FMNL2: variants seen among roughly 807,000 people sequenced by gnomAD.
FMNL2 encodes formin-like protein 2.
In FMNL2, 51 loss-of-function variants were observed where a neutral mutation model predicts 130.2. The ratio of observed to expected loss-of-function variants is 0.39; its 90% CI spans 0.31 to 0.49. The LOEUF (loss-of-function observed/expected upper bound fraction) is 0.49, where lower values mean the gene tolerates loss of function less well. Ranked by LOEUF, FMNL2 falls within the 20% of genes least tolerant of loss-of-function variation. The pLI, the probability that FMNL2 is intolerant of heterozygous loss-of-function variation, is 0.85. For synonymous variants in FMNL2, 465 were observed against 467.1 expected (o/e 1.00, Z 0.06); for missense variants, 977 against 1,316.2 (o/e 0.74, Z 3.99).
intron 7 of FMNL2, among the ~76,000 whole-genome samples, chr2:152,578,271 A>T (rs188200847): frequency 7.5e-4 from 114 of 152,282 alleles, no homozygotes; most frequent in African/African-American, 2.7e-3. Flanking sequence ...TGTGAGGGGT[A>T]CTGATCCCTG....
chr2:152,383,846 A>G (rs1684636030), intron 1 of FMNL2, among the ~76,000 whole-genome samples: 1 of 152,188 alleles, frequency 6.6e-6, no homozygotes, highest in African/African-American at 2.4e-5. Flanking sequence ...CAGTTTGATG[A>G]TTAGCATCTG....
intron 9 of FMNL2, among the ~76,000 whole-genome samples, chr2:152,590,756 A>G (rs1351182814): frequency 6.6e-6 from 1 of 152,004 alleles, no homozygotes; most frequent in African/African-American, 2.4e-5. Context: ...TTGTCTGTAT[A>G]TTTGTACATT....
At chr2:152,533,682 C>T (rs966885273) in intron 2 of FMNL2, among the ~76,000 whole-genome samples, 7 of 151,216 alleles carry the variant, frequency 4.6e-5, no homozygotes, top group Non-Finnish European at 1.0e-4. Flanking sequence ...GATGCACTGG[C>T]TCTGTAGATC....
rs1475938648 is a variant in FMNL2 at position 152,626,644 on chromosome 2, A to G, written c.2082A>G (p.Leu694=). The G allele has an allele frequency of 6.2e-7, 1 of 1,613,292 alleles. No homozygotes were observed. The highest frequency in any genetic ancestry group is 8.5e-7 in the Non-Finnish European group (1 of 1,179,624). The change falls in exon 17 of 26, where the codon CTA becomes CTG. Residue 694 remains leucine, a synonymous_variant. Transcript: ENST00000288670. ...AGGGATCAAACAAAGTGACATTACTAGAAGCAAACAGGGCCAAAAATCTTG... is the reference window on the plus strand; with the variant it reads ...AGGGATCAAACAAAGTGACATTACTGGAAGCAAACAGGGCCAAAAATCTTG... ...PQKGSNKVTL[L]EANRAKNLAI... is the part of the protein sequence containing the mutation.
At chr2:152,553,530 C>G (rs1695045244) in intron 4 of FMNL2, among the ~76,000 whole-genome samples, 1 of 148,928 alleles carries the variant, frequency 6.7e-6, no homozygotes, top group Non-Finnish European at 1.5e-5. Context: ...ACTAAACCAG[C>G]AATTCTCACA....
intron 1 of FMNL2, among the ~76,000 whole-genome samples, chr2:152,464,244 A>T (rs890795265): frequency 1.3e-5 from 2 of 152,134 alleles, no homozygotes; most frequent in Admixed American, 6.5e-5. Context: ...GCACTCAGCC[A>T]CTGATGGTTA....
intron 1 of FMNL2, among the ~76,000 whole-genome samples, chr2:152,480,676 C>T (rs926072420): frequency 2.9e-5 from 4 of 137,944 alleles, no homozygotes; most frequent in Admixed American, 7.2e-5. Context: ...AAATCAGCCT[C>T]AAAACAAACA....
chr2:152,335,583 C>A lies in FMNL2; in HGVS notation c.-21C>A. On this transcript the variant is annotated 5_prime_UTR_variant, in exon 1 of 26. Transcript: ENST00000288670. ...CACGCTAGGGGCCCGGAGCAGCCCC[C>A]GGCCCCGGCGCGCCGCCGACATGGG... 1 of 1,571,718 alleles carries A rather than the reference C, an allele frequency of 6.4e-7. No homozygotes were observed.
At chr2:152,387,875 A>G (rs1684872931) in intron 1 of FMNL2, among the ~76,000 whole-genome samples, 1 of 149,200 alleles carries the variant, frequency 6.7e-6, no homozygotes, top group African/African-American at 2.5e-5. Flanking sequence ...GCTGGTCTTG[A>G]TCTCCTGGGC....
At chr2:152,380,951 T>C (rs1684428933) in intron 1 of FMNL2, among the ~76,000 whole-genome samples, 1 of 152,172 alleles carries the variant, frequency 6.6e-6, no homozygotes, top group Non-Finnish European at 1.5e-5. Flanking sequence ...ATAAGCAAAA[T>C]GGGAACTTAG....
intron 1 of FMNL2, among the ~76,000 whole-genome samples, chr2:152,458,910 G>A (rs1689093532): frequency 6.6e-6 from 1 of 152,162 alleles, no homozygotes; most frequent in African/African-American, 2.4e-5. Context: ...TGGGAAGTGT[G>A]TAATAGAGTT....
intron 1 of FMNL2, among the ~76,000 whole-genome samples, chr2:152,456,633 G>A (rs1449169254): frequency 6.6e-6 from 1 of 152,134 alleles, no homozygotes; most frequent in Non-Finnish European, 1.5e-5. Flanking sequence ...ACAATATGGA[G>A]AGAAGTGGTG....
intron 3 of FMNL2, among the ~76,000 whole-genome samples, chr2:152,548,777 G>A (rs986542682): frequency 2.0e-5 from 3 of 152,064 alleles, no homozygotes; most frequent in Admixed American, 1.3e-4. Context: ...TGTGTGTGTG[G>A]GGTAGGGAAA....
intron 1 of FMNL2, among the ~76,000 whole-genome samples, chr2:152,428,123 C>T (rs1376960656): frequency 1.3e-5 from 2 of 152,228 alleles, no homozygotes; most frequent in African/African-American, 2.4e-5. Context: ...GTACCTGTCT[C>T]AACCCATTCT....
At chr2:152,459,634 A>T (rs1689136125) in intron 1 of FMNL2, among the ~76,000 whole-genome samples, 1 of 152,190 alleles carries the variant, frequency 6.6e-6, no homozygotes, top group Admixed American at 6.5e-5. Context: ...TCTTTTAAAA[A>T]ACGAGCTATT....
At chr2:152,473,344 C>T (rs946431345) in intron 1 of FMNL2, among the ~76,000 whole-genome samples, 6 of 152,136 alleles carry the variant, frequency 3.9e-5, no homozygotes, top group African/African-American at 1.4e-4. Flanking sequence ...GCTGGGATTA[C>T]ACGCATGAGT....
intron 3 of FMNL2, among the ~76,000 whole-genome samples, chr2:152,548,146 G>A (rs897971010): frequency 2.6e-5 from 4 of 152,130 alleles, no homozygotes; most frequent in African/African-American, 9.7e-5. Flanking sequence ...TCAGGAGGGT[G>A]GTGTGCTCTG....
chr2:152,396,178 T>G (rs1685383837), intron 1 of FMNL2, among the ~76,000 whole-genome samples: 1 of 152,210 alleles, frequency 6.6e-6, no homozygotes, highest in South Asian at 2.1e-4. Context: ...AGCTAAGCAT[T>G]TGAACAGTCA....
rs182694897 is a variant in FMNL2 at position 152,597,644 on chromosome 2, T to C, written c.877-9695T>C. On this transcript the variant is annotated intron_variant, in intron 9 of 25. Transcript: ENST00000288670. The stretch of plus-strand genomic sequence containing the variant: ...GGCAGTATTCACTCATTGTTCCTTT[T>C]GTGCCACCAGTGCCAACTGCCAACT... Among the ~76,000 whole-genome samples, 63 of 152,374 alleles carry C rather than the reference T, an allele frequency of 4.1e-4. No individual in the cohort carries two copies. The East Asian group carries it at 0.011, about 26-fold the overall frequency.
Sources: gnomAD v4.1 joint callset for allele counts (sites outside exome capture counted in the v4.1 genomes callset) on GRCh38, gnomAD v4.1.1 for gene constraint, MANE v1.5 for transcripts, NCBI Gene and HGNC (gene_info 2026-07-23, HGNC 2026-07-21) for gene names.